The following ADCY5 variants were observed in gnomAD, a reference collection of about 807,000 sequenced individuals.
The protein encoded by ADCY5 is adenylate cyclase 5.
Under a neutral mutation model 119.7 loss-of-function variants are expected in ADCY5, and 30 were observed. The observed-to-expected ratio is 0.25, with a 90% CI of 0.19 to 0.34. ADCY5 has a LOEUF of 0.34. Among genes scored for constraint, ADCY5 ranks in the 10% least tolerant of loss-of-function variants. The pLI is 1.00. For synonymous variants in ADCY5, 753 were observed against 762.2 expected, an observed-to-expected ratio of 0.99 and a Z score of 0.20; for missense variants, 1,324 against 1,775.2, an observed-to-expected ratio of 0.75 and a Z score of 4.57.
intron 8 of ADCY5, among the ~76,000 whole-genome samples, chr3:123,321,375 C>T (rs1208347520): frequency 6.6e-6 from 1 of 152,166 alleles, no homozygotes. Flanking sequence ...AACCCACCTG[C>T]CACAGATCTG....
intron 18 of ADCY5, 84 bp downstream of exon 18, chr3:123,291,028 CG>C (rs1559779061): frequency 6.8e-7 from 1 of 1,479,508 alleles, no homozygotes; most frequent in Non-Finnish European, 9.0e-7. Context: ...TAGAAGGGGG[CG>C]CCAGGTCTCT....
At chr3:123,337,838 T>C (rs1942093079) in intron 3 of ADCY5, among the ~76,000 whole-genome samples, 2 of 152,202 alleles carry the variant, frequency 1.3e-5, no homozygotes, top group Non-Finnish European at 2.9e-5. Flanking sequence ...CTAATACTTA[T>C]TTGTTGAAAG....
intron 1 of ADCY5, among the ~76,000 whole-genome samples, chr3:123,390,979 A>G (rs1159649197): frequency 6.6e-6 from 1 of 152,064 alleles, no homozygotes; most frequent in Non-Finnish European, 1.5e-5. Context: ...ACTTTGGAAA[A>G]CCAGAAGCCA....
chr3:123,383,936 CACACA>C, intron 1 of ADCY5, among the ~76,000 whole-genome samples: 1 of 147,698 alleles, frequency 6.8e-6, no homozygotes. Flanking sequence ...CACACACACA[CACACA>C]CCCTTCTGCA....
intron 1 of ADCY5, among the ~76,000 whole-genome samples, chr3:123,446,501 G>A (rs761937692): frequency 1.3e-5 from 2 of 152,186 alleles, no homozygotes; most frequent in Non-Finnish European, 2.9e-5. Flanking sequence ...CAGACCACAG[G>A]ACACTAAAGG....
chr3:123,416,195 C>T, intron 1 of ADCY5: 1 of 1,536,104 alleles, frequency 6.5e-7, no homozygotes, highest in Non-Finnish European at 8.7e-7. Flanking sequence ...CTCCGTGGGG[C>T]CCATTCTCCT....
chr3:123,335,918 T>C (rs1456956156), intron 3 of ADCY5, among the ~76,000 whole-genome samples: 1 of 151,672 alleles, frequency 6.6e-6, no homozygotes, highest in Non-Finnish European at 1.5e-5. Context: ...GTGGGAGAAA[T>C]GGGGACAGGG....
chr3:123,365,534 G>C (rs1336357698), intron 1 of ADCY5, among the ~76,000 whole-genome samples: 1 of 152,200 alleles, frequency 6.6e-6, no homozygotes, highest in Non-Finnish European at 1.5e-5. Flanking sequence ...GAGTATTTGA[G>C]CCTGGGTGAT....
chr3:123,363,143 G>GAAAAAAAAAAAAAAAAAAAAGAATTA (rs58854772), intron 1 of ADCY5, among the ~76,000 whole-genome samples: 1 of 50,090 alleles, frequency 2.0e-5, no homozygotes, highest in Non-Finnish European at 4.7e-5. Flanking sequence ...ATTCCTTCTT[G>GAAAAAAAAAAAAAAAAAAAAGAATTA]AAAAAAAAAA....
Position 123,376,941 on chromosome 3 carries a change from G to C in ADCY5, c.1135-24360C>G, listed in dbSNP as rs150400925. On this transcript the variant is annotated intron_variant, in intron 1 of 20. Transcript: ENST00000462833. ...TCCCCTGGGGGAAGCTGCATCCTCT[G>C]GTGTTTGGAGTGCTTTTTCTCTGTG... 3.2e-3 allele frequency among the ~76,000 whole-genome samples: 484 copies of C among 152,292 alleles called. 1 individual carries two copies. The highest frequency in any genetic ancestry group is 0.011 in the African/African-American group (454 of 41,544).
At chr3:123,335,391 C>T (rs1473916280) in intron 3 of ADCY5, among the ~76,000 whole-genome samples, 1 of 152,204 alleles carries the variant, frequency 6.6e-6, no homozygotes. Context: ...CATTTTAAAA[C>T]AGTCAGACAC....
At chr3:123,347,068 G>A (rs533140439) in intron 3 of ADCY5, among the ~76,000 whole-genome samples, 10 of 152,078 alleles carry the variant, frequency 6.6e-5, no homozygotes, top group Non-Finnish European at 1.2e-4. Context: ...CTGCTGGCTC[G>A]GGGACCTTGA....
chr3:123,400,810 G>C (rs1008283359), intron 1 of ADCY5, among the ~76,000 whole-genome samples: 1 of 152,052 alleles, frequency 6.6e-6, no homozygotes, highest in Non-Finnish European at 1.5e-5. Context: ...CAGGTGTGGT[G>C]GCATGCGCCT....
In ADCY5 at chr3:123,447,459, C is replaced by A; in HGVS notation, c.1087G>T (p.Ala363Ser). 3 of 1,608,818 alleles carry A rather than the reference C, an allele frequency of 1.9e-6. No individual in the cohort carries two copies. Among genetic ancestry groups the A allele is most frequent in the Non-Finnish European group, 2.5e-6 (3 of 1,177,624 alleles). ...SGVLLSALHL[A>S]IALRTNAQDQ... is the part of the protein sequence containing the mutation. ...TGGGCGTTGGTGCGCAGGGCGATGG[C>A]CAGGTGGAGGGCGGACAGGAGCACC... is the stretch of plus-strand genomic sequence containing the variant. Residue 363 changes from alanine to serine, a missense_variant, in exon 1 of 21, where the codon GCC becomes TCC. By Grantham distance (99) the Ala-to-Ser change is moderately conservative. Coordinates refer to ENST00000462833, the MANE Select transcript of ADCY5 (RefSeq NM_183357.3).
chr3:123,411,877 C>T (rs1945058313), intron 1 of ADCY5, among the ~76,000 whole-genome samples: 1 of 152,178 alleles, frequency 6.6e-6, no homozygotes, highest in African/African-American at 2.4e-5. Flanking sequence ...CTCACTGTGG[C>T]CCTGTCACCC....
chr3:123,367,851 G>GAA (rs146718564), intron 1 of ADCY5: 32 of 1,172,752 alleles, frequency 2.7e-5, no homozygotes, highest in South Asian at 8.0e-5. Context: ...GAATCCAGAA[G>GAA]AAAAAAAAAA....
intron 3 of ADCY5, among the ~76,000 whole-genome samples, chr3:123,333,969 G>T (rs1423092759): frequency 6.6e-6 from 1 of 152,152 alleles, no homozygotes; most frequent in Non-Finnish European, 1.5e-5. Context: ...CTCCTTCCCA[G>T]TTCCTCAGTG....
At chr3:123,291,828 C>T (rs540704977) in intron 17 of ADCY5, among the ~76,000 whole-genome samples, 3 of 152,336 alleles carry the variant, frequency 2.0e-5, no homozygotes, top group African/African-American at 7.2e-5. Context: ...AATCAAAAGC[C>T]AGAGTTACCT....
chr3:123,348,701 G>A (rs149265472), intron 2 of ADCY5, among the ~76,000 whole-genome samples: 9 of 152,248 alleles, frequency 5.9e-5, no homozygotes, highest in African/African-American at 2.2e-4. Context: ...GGAGGCTCAC[G>A]TCAGCCTGTT....
Sources: gnomAD v4.1 joint callset for allele counts (sites outside exome capture counted in the v4.1 genomes callset) on GRCh38, gnomAD v4.1.1 for gene constraint, MANE v1.5 for transcripts, NCBI Gene and HGNC (gene_info 2026-07-23, HGNC 2026-07-21) for gene names.